TNFSF11: variants seen among roughly 807,000 people sequenced by gnomAD.
TNFSF11 encodes the protein TNF superfamily member 11.
A neutral mutation model predicts 32.2 loss-of-function variants in TNFSF11; 12 were observed. The observed-to-expected ratio is 0.37, with a 90% CI of 0.24 to 0.60. The LOEUF is 0.60. TNFSF11 is among the 20% of genes least tolerant of loss of function. The probability of loss-of-function intolerance (pLI) is 0.66; values close to 1 mark genes in which losing one functional copy is unlikely to be tolerated. For synonymous variants in TNFSF11, 172 were observed against 152.1 expected, an observed-to-expected ratio of 1.13 and a Z score of -0.96; for missense variants, 345 against 398.0, an observed-to-expected ratio of 0.87 and a Z score of 1.13.
chr13:42,572,769 A>T (rs1820846076), upstream of TNFSF11, among the ~76,000 whole-genome samples: 1 of 152,220 alleles, frequency 6.6e-6, no homozygotes, highest in African/African-American at 2.4e-5. Flanking sequence ...ACTGAGGTCT[A>T]AGTGTTCAAT....
chr13:42,600,813 T>C lies in TNFSF11; in HGVS notation c.433+16T>C. 6.2e-7 allele frequency: 1 copy of C among 1,614,158 alleles called. No individual in the cohort carries two copies. Among genetic ancestry groups the C allele is most frequent in the Non-Finnish European group, 8.5e-7 (1 of 1,180,002 alleles). On this transcript the variant is annotated intron_variant, in intron 3 of 4. Transcript: ENST00000398795. ...GCAGAGAAAGGTAAGCATGGATCCA[T>C]ACATCTGTATGAAATCCCACAGGGT...
At chr13:42,572,727 A>G (rs1873115061), upstream of TNFSF11, among the ~76,000 whole-genome samples, 1 of 152,226 alleles carries the variant, frequency 6.6e-6, no homozygotes, top group South Asian at 2.1e-4. Context: ...CCTTTAAAAA[A>G]AATTCAACCT....
chr13:42,582,016 G>A (rs4444231), intron 2 of TNFSF11, among the ~76,000 whole-genome samples: 152,121 of 152,324 alleles, frequency 1, 75,959 homozygotes, highest in Middle Eastern at 1. Flanking sequence ...ACCAAAACCC[G>A]GGTAGAACAC....
chr13:42,572,563 G>A (rs371549373), upstream of TNFSF11, among the ~76,000 whole-genome samples: 51 of 152,154 alleles, frequency 3.4e-4, no homozygotes, highest in African/African-American at 1.1e-3. Flanking sequence ...AGTGGGAAGA[G>A]GTCAAAGACT....
chr13:42,604,576 C>A (rs1199406403), intron 4 of TNFSF11, among the ~76,000 whole-genome samples: 1 of 152,110 alleles, frequency 6.6e-6, no homozygotes, highest in Admixed American at 6.5e-5. Flanking sequence ...GTTTTTCTCC[C>A]AAGTGGTTGA....
chr13:42,605,166 T>G (rs1430492883), intron 4 of TNFSF11, among the ~76,000 whole-genome samples: 1 of 152,208 alleles, frequency 6.6e-6, no homozygotes, highest in African/African-American at 2.4e-5. Flanking sequence ...TGGAATCCAC[T>G]ATAAGTCTTC....
intron 1 of TNFSF11, 71 bp downstream of exon 1, chr13:42,574,593 G>A (rs1389466287): frequency 1.4e-5 from 22 of 1,547,300 alleles, no homozygotes; most frequent in Non-Finnish European, 1.8e-5. Context: ...TGGAAACTGA[G>A]TCTGGCGGCA....
Position 42,604,448 on chromosome 13 carries a change from G to A in TNFSF11, c.533-2049G>A, listed in dbSNP as rs540671362. 5.9e-5 allele frequency among the ~76,000 whole-genome samples: 9 copies of A among 152,332 alleles called. No homozygotes were observed. The South Asian group carries it at 1.7e-3, about 28-fold the overall frequency. ...AGGCAAGAGGGCCTGTGATGACCCC[G>A]CTGCAGATAGGTTGTGGAGTTCAGG... On this transcript the variant is annotated intron_variant, in intron 4 of 4. Coordinates refer to ENST00000398795, the MANE Select transcript of TNFSF11 (RefSeq NM_003701.4).
At chr13:42,570,382 A>G (rs1873019560), upstream of TNFSF11, among the ~76,000 whole-genome samples, 1 of 152,184 alleles carries the variant, frequency 6.6e-6, no homozygotes, top group Non-Finnish European at 1.5e-5. Flanking sequence ...AATAACATGA[A>G]CCAATCAATT....
At position 42,606,901 on chromosome 13, in the gene TNFSF11, G is replaced by T. The variant is rs753163145; in HGVS notation, c.937G>T (p.Val313Phe). The T allele has an allele frequency of 2.5e-6, 4 of 1,614,136 alleles. No homozygotes were observed. Among genetic ancestry groups the T allele is most frequent in the East Asian group, 2.2e-5 (1 of 44,882 alleles). ...TGCAACATACTTTGGGGCTTTTAAA[G>T]TTCGAGATATAGATTGAGCCCCAGT... is the stretch of plus-strand genomic sequence containing the variant. ...QDATYFGAFK[V>F]RDID Residue 313 changes from valine (V) to phenylalanine (F), a missense_variant, in exon 5 of 5, where the codon GTT (valine) becomes TTT (phenylalanine). Val to Phe is a conservative substitution (Grantham distance 50, BLOSUM62 -1). Coordinates refer to ENST00000398795, the MANE Select transcript of TNFSF11 (RefSeq NM_003701.4).
intron 2 of TNFSF11, among the ~76,000 whole-genome samples, chr13:42,590,015 C>T (rs1464936749): frequency 6.6e-6 from 1 of 152,246 alleles, no homozygotes; most frequent in Non-Finnish European, 1.5e-5. Flanking sequence ...GGTGCCCCTC[C>T]TGGGCCCACA....
intron 2 of TNFSF11, among the ~76,000 whole-genome samples, chr13:42,596,566 C>G (rs754306292): frequency 6.6e-6 from 1 of 152,100 alleles, no homozygotes; most frequent in Non-Finnish European, 1.5e-5. Flanking sequence ...TTAGGTGAAG[C>G]CTTATTCTCT....
intron 4 of TNFSF11, among the ~76,000 whole-genome samples, chr13:42,603,509 C>G (rs556282310): frequency 2.6e-5 from 4 of 152,318 alleles, no homozygotes; most frequent in Admixed American, 1.3e-4. Flanking sequence ...TCTCTTCACA[C>G]TGACTGGCTC....
rs116301671 is a variant in TNFSF11 at position 42,606,992 on chromosome 13, A to G, written c.*74A>G. The G allele has an allele frequency of 5.2e-4, 830 of 1,594,772 alleles. 3 individuals carry two copies. The African/African-American group carries it at 9.0e-3, about 17-fold the overall frequency. On this transcript the variant is annotated 3_prime_UTR_variant, in exon 5 of 5. Coordinates refer to ENST00000398795, the MANE Select transcript of TNFSF11 (RefSeq NM_003701.4). ...TTTTAAAACAAGCCAAGAAAGATGT[A>G]TATAGGTGTGTGAGACTACTAAGAG...
At chr13:42,592,140 C>G (rs573846153) in intron 2 of TNFSF11, among the ~76,000 whole-genome samples, 26 of 152,328 alleles carry the variant, frequency 1.7e-4, no homozygotes, top group Non-Finnish European at 2.6e-4. Context: ...AGTTCTCCAA[C>G]TCTTCAGGCA....
intron 1 of TNFSF11, among the ~76,000 whole-genome samples, chr13:42,579,599 G>A (rs1050064285): frequency 5.3e-5 from 8 of 151,740 alleles, no homozygotes; most frequent in African/African-American, 1.9e-4. Context: ...GTCAGTTCAG[G>A]CCTTTGCATG....
intron 2 of TNFSF11, among the ~76,000 whole-genome samples, chr13:42,592,785 C>A (rs929604884): frequency 6.6e-6 from 1 of 152,002 alleles, no homozygotes; most frequent in Non-Finnish European, 1.5e-5. Flanking sequence ...GGGGTGGTTC[C>A]CCCATGCTGT....
chr13:42,587,395 G>A (rs1490416515), intron 2 of TNFSF11, among the ~76,000 whole-genome samples: 2 of 152,178 alleles, frequency 1.3e-5, no homozygotes, highest in African/African-American at 2.4e-5. Context: ...GGAGATGAGG[G>A]GACAATGAGC....
chr13:42,598,283 G>A lies in TNFSF11; in HGVS notation c.388-2469G>A, dbSNP rs547711776. ...TGGAAAGGCAGATCAGAGCTAGAGG[G>A]AAAATGAGGGGTAGCGTTCAATCTC... On this transcript the variant is annotated intron_variant, in intron 2 of 4. Transcript: ENST00000398795. 1.2e-4 allele frequency among the ~76,000 whole-genome samples: 19 copies of A among 152,316 alleles called. 1 individual carries two copies. In the South Asian group the frequency reaches 3.9e-3, roughly 32 times the overall value.
Sources: allele counts gnomAD v4.1 joint callset (sites outside exome capture counted in the v4.1 genomes callset), GRCh38; gene constraint gnomAD v4.1.1; transcripts MANE v1.5; gene names NCBI Gene and HGNC (gene_info 2026-07-23, HGNC 2026-07-21).